The following ROR2 variants were observed in gnomAD, a reference collection of about 807,000 sequenced individuals.
ROR2 encodes tyrosine-protein kinase transmembrane receptor ROR2.
In ROR2, 33 loss-of-function variants were observed where a neutral mutation model predicts 74.9. The observed-to-expected ratio is 0.44, with a 90% confidence interval of 0.33 to 0.59. The LOEUF (loss-of-function observed/expected upper bound fraction) is 0.59, where lower values mean the gene tolerates loss of function less well. ROR2 is among the 20% of genes least tolerant of loss of function. The pLI is 0.02. For synonymous variants in ROR2, 586 were observed against 558.7 expected (o/e 1.05, Z -0.69); for missense variants, 1,216 against 1,313.8 (o/e 0.93, Z 1.15).
At chr9:91,874,589 C>T (rs187903272) in intron 1 of ROR2, among the ~76,000 whole-genome samples, 32 of 152,260 alleles carry the variant, frequency 2.1e-4, no homozygotes, top group Admixed American at 2.1e-3. Flanking sequence ...GATTTCTTCC[C>T]GTTGTCATAT....
chr9:91,780,607 G>A (rs10992099), intron 1 of ROR2, among the ~76,000 whole-genome samples: 19,409 of 151,532 alleles, frequency 0.13, 1,292 homozygotes, highest in Middle Eastern at 0.21. Context: ...CCTGGCCAAC[G>A]TGGTGAAATC....
At chr9:91,781,236 C>T (rs7862819) in intron 1 of ROR2, among the ~76,000 whole-genome samples, 35,275 of 152,038 alleles carry the variant, frequency 0.23, 4,316 homozygotes, top group Middle Eastern at 0.35. Flanking sequence ...AAAAGCACAG[C>T]CTGAGAAAGT....
chr9:91,946,409 G>A lies in ROR2; in HGVS notation c.97+3458C>T, dbSNP rs565911900. Among the ~76,000 whole-genome samples, 23 of 152,340 alleles carry A rather than the reference G, an allele frequency of 1.5e-4. No individual in the cohort carries two copies. The South Asian group carries it at 3.9e-3, about 26-fold the overall frequency. On this transcript the variant is annotated intron_variant, in intron 1 of 8. Coordinates refer to ENST00000375708, the MANE Select transcript of ROR2 (RefSeq NM_004560.4). ...CTCAAGGTAAACCCAAAATTGGGCTGCCCAGCCCTTCACCACGTGGAAACC... is the reference window on the plus strand; with the variant it reads ...CTCAAGGTAAACCCAAAATTGGGCTACCCAGCCCTTCACCACGTGGAAACC...
intron 1 of ROR2, among the ~76,000 whole-genome samples, chr9:91,815,710 A>T (rs1827906255): frequency 6.6e-6 from 1 of 152,262 alleles, no homozygotes. Context: ...AATTCCCTGC[A>T]AAGGAAAACC....
intron 1 of ROR2, among the ~76,000 whole-genome samples, chr9:91,859,194 T>C (rs559938134): frequency 8.1e-6 from 1 of 122,854 alleles, no homozygotes; most frequent in Admixed American, 9.2e-5. Flanking sequence ...TCTGAAAGTA[T>C]TCCTTTTTTT....
intron 4 of ROR2, among the ~76,000 whole-genome samples, chr9:91,749,469 C>T (rs1168936832): frequency 6.6e-6 from 1 of 152,194 alleles, no homozygotes. Flanking sequence ...CTTATTTAAC[C>T]TTAACCACCT....
intron 7 of ROR2, among the ~76,000 whole-genome samples, chr9:91,730,071 C>T (rs766177631): frequency 2.6e-5 from 4 of 152,172 alleles, no homozygotes; most frequent in African/African-American, 4.8e-5. Context: ...ATCCTCCCAC[C>T]TCCACCACCC....
intron 1 of ROR2, among the ~76,000 whole-genome samples, chr9:91,839,340 T>G (rs1368404985): frequency 7.0e-6 from 1 of 143,474 alleles, no homozygotes; most frequent in East Asian, 2.2e-4. Context: ...GGTGTATGAA[T>G]GTGGGAGGGG....
intron 4 of ROR2, among the ~76,000 whole-genome samples, chr9:91,749,050 A>T (rs553035815): frequency 7.8e-4 from 119 of 152,290 alleles, no homozygotes; most frequent in African/African-American, 2.4e-3. Context: ...GAAAAAAAAT[A>T]AAAGCACACA....
intron 1 of ROR2, among the ~76,000 whole-genome samples, chr9:91,796,494 T>G (rs896705475): frequency 2.0e-5 from 3 of 151,872 alleles, no homozygotes; most frequent in Admixed American, 6.6e-5. Flanking sequence ...CAAATTCTCA[T>G]GGCACATCTT....
chr9:91,803,977 T>C (rs1827470522), intron 1 of ROR2, among the ~76,000 whole-genome samples: 1 of 152,240 alleles, frequency 6.6e-6, no homozygotes, highest in Non-Finnish European at 1.5e-5. Context: ...TGATCTCTTC[T>C]CTGGATGAAA....
intron 1 of ROR2, among the ~76,000 whole-genome samples, chr9:91,851,892 C>T (rs992467952): frequency 1.8e-4 from 27 of 150,802 alleles, no homozygotes; most frequent in African/African-American, 4.4e-4. Context: ...AGGAGAATCG[C>T]GTGAACCTGG....
intron 4 of ROR2, among the ~76,000 whole-genome samples, chr9:91,748,587 GCCTTTCTCAA>G (rs1260948515): frequency 1.3e-5 from 2 of 152,176 alleles, no homozygotes; most frequent in Non-Finnish European, 2.9e-5. Context: ...AAAATTTAAT[GCCTTTCTCAA>G]CCACCACTAG....
At chr9:91,853,292 G>A (rs1182451074) in intron 1 of ROR2, among the ~76,000 whole-genome samples, 1 of 152,192 alleles carries the variant, frequency 6.6e-6, no homozygotes, top group Non-Finnish European at 1.5e-5. Context: ...CAGAGTTACT[G>A]GGAAAGGTGA....
chr9:91,806,364 TTTG>T (rs1402876947), intron 1 of ROR2, among the ~76,000 whole-genome samples: 2 of 152,180 alleles, frequency 1.3e-5, no homozygotes, highest in Non-Finnish European at 2.9e-5. Context: ...CTGAGGCCTC[TTTG>T]TTAAGGGTGC....
At chr9:91,760,244 T>C (rs1017480582) in intron 2 of ROR2, among the ~76,000 whole-genome samples, 17 of 152,322 alleles carry the variant, frequency 1.1e-4, no homozygotes, top group Admixed American at 4.6e-4. Context: ...ACTTCTAACC[T>C]TGCCTTTCCC....
chr9:91,745,644 T>C (rs1825388257), intron 4 of ROR2, among the ~76,000 whole-genome samples: 1 of 151,906 alleles, frequency 6.6e-6, no homozygotes, highest in Non-Finnish European at 1.5e-5. Context: ...CAGACTGGTA[T>C]TGAACTCCTG....
chr9:91,892,003 G>A (rs978343718), intron 1 of ROR2, among the ~76,000 whole-genome samples: 24 of 148,810 alleles, frequency 1.6e-4, no homozygotes, highest in African/African-American at 4.8e-4. Context: ...AACCGAGATC[G>A]CGCCACTGCA....
intron 1 of ROR2, among the ~76,000 whole-genome samples, chr9:91,933,379 A>T (rs1336259786): frequency 1.4e-5 from 2 of 138,650 alleles, no homozygotes; most frequent in South Asian, 4.3e-4. Context: ...TCACAGAGTT[A>T]AAAAAAAAAA....
Sources: gnomAD v4.1 joint callset for allele counts (sites outside exome capture counted in the v4.1 genomes callset) on GRCh38, gnomAD v4.1.1 for gene constraint, MANE v1.5 for transcripts, NCBI Gene and HGNC (gene_info 2026-07-23, HGNC 2026-07-21) for gene names.